KAZN: variants seen among roughly 807,000 people sequenced by gnomAD.
KAZN encodes kazrin.
Under a neutral mutation model 87.4 loss-of-function variants are expected in KAZN, and 40 were observed. That is an observed-to-expected ratio of 0.46 (90% confidence interval 0.36 to 0.60). The LOEUF (loss-of-function observed/expected upper bound fraction) is 0.60, where lower values mean the gene tolerates loss of function less well. Ranked by LOEUF, KAZN falls within the 20% of genes least tolerant of loss-of-function variation. The probability of loss-of-function intolerance (pLI) is 0.00; values close to 1 mark genes in which losing one functional copy is unlikely to be tolerated. For missense variants in KAZN, 898 were observed against 1,073.9 expected, an observed-to-expected ratio of 0.84 and a Z score of 2.29; for synonymous variants, 466 against 458.3, an observed-to-expected ratio of 1.02 and a Z score of -0.22.
intron 1 of KAZN, among the ~76,000 whole-genome samples, chr1:14,115,307 G>A (rs1404567943): frequency 4.6e-5 from 7 of 152,172 alleles, no homozygotes; most frequent in Non-Finnish European, 1.0e-4. Flanking sequence ...ATTACCTCCT[G>A]ATATGGTTTG....
At chr1:14,090,363 G>A (rs2101616707) in intron 1 of KAZN, among the ~76,000 whole-genome samples, 1 of 151,782 alleles carries the variant, frequency 6.6e-6, no homozygotes, top group African/African-American at 2.4e-5. Flanking sequence ...ATATCTTCAA[G>A]TTCACTAATT....
At chr1:14,671,735 A>T (rs1185033860) in intron 1 of KAZN, among the ~76,000 whole-genome samples, 1 of 152,212 alleles carries the variant, frequency 6.6e-6, no homozygotes, top group African/African-American at 2.4e-5. Flanking sequence ...ATGAAAACAA[A>T]TGTTTATATC....
chr1:14,764,653 G>A (rs1002474602), intron 1 of KAZN, among the ~76,000 whole-genome samples: 3 of 152,032 alleles, frequency 2.0e-5, no homozygotes, highest in Non-Finnish European at 4.4e-5. Context: ...TGAAGAGTTG[G>A]AGGGAGGGAA....
intron 1 of KAZN, among the ~76,000 whole-genome samples, chr1:13,896,420 G>A (rs1639046695): frequency 6.6e-6 from 1 of 152,096 alleles, no homozygotes; most frequent in African/African-American, 2.4e-5. Flanking sequence ...CTCTCAAGTA[G>A]CTGGGACCAC....
intron 2 of KAZN, among the ~76,000 whole-genome samples, chr1:14,552,784 T>A (rs979717044): frequency 2.0e-5 from 3 of 152,172 alleles, no homozygotes; most frequent in African/African-American, 7.2e-5. Context: ...AGTCAGGCAA[T>A]GGCTTAAGCA....
chr1:15,039,463 C>T (rs889174883), intron 3 of KAZN, among the ~76,000 whole-genome samples: 6 of 152,094 alleles, frequency 3.9e-5, no homozygotes, highest in South Asian at 4.2e-4. Flanking sequence ...AACCCAAGGC[C>T]GACCACAGAG....
chr1:14,048,916 A>G (rs1642189915), intron 1 of KAZN, among the ~76,000 whole-genome samples: 1 of 152,128 alleles, frequency 6.6e-6, no homozygotes, highest in African/African-American at 2.4e-5. Context: ...ATTTCTCCAC[A>G]TCCTCTCCAG....
chr1:14,004,541 A>G (rs1203625358), intron 1 of KAZN, among the ~76,000 whole-genome samples: 1 of 152,216 alleles, frequency 6.6e-6, no homozygotes, highest in East Asian at 1.9e-4. Context: ...GTAATGGCAC[A>G]CTGCAGCAAT....
chr1:14,751,659 G>A (rs1644415716), intron 1 of KAZN, among the ~76,000 whole-genome samples: 1 of 152,126 alleles, frequency 6.6e-6, no homozygotes. Flanking sequence ...CTTAACTGCT[G>A]GGCTACAACT....
At chr1:14,702,363 T>G (rs889024006) in intron 1 of KAZN, among the ~76,000 whole-genome samples, 4 of 151,452 alleles carry the variant, frequency 2.6e-5, no homozygotes, top group African/African-American at 9.8e-5. Context: ...TGTGTGTGTG[T>G]GTGGATTTCT....
intron 2 of KAZN, among the ~76,000 whole-genome samples, chr1:14,967,746 G>T (rs769979565): frequency 2.6e-5 from 4 of 152,226 alleles, no homozygotes; most frequent in Non-Finnish European, 5.9e-5. Context: ...AGGAGTGCAG[G>T]CGACCTCTAG....
chr1:14,335,972 T>G (rs1476670419), intron 2 of KAZN, among the ~76,000 whole-genome samples: 1 of 152,210 alleles, frequency 6.6e-6, no homozygotes. Context: ...CCTGCAGCAA[T>G]GCAGGTGAGA....
At chr1:14,827,960 T>C (rs1481669919) in intron 1 of KAZN, among the ~76,000 whole-genome samples, 1 of 152,234 alleles carries the variant, frequency 6.6e-6, no homozygotes, top group African/African-American at 2.4e-5. Context: ...CTTCCTGTCA[T>C]CTTGGGAAGA....
intron 2 of KAZN, among the ~76,000 whole-genome samples, chr1:14,325,259 A>G (rs1656328885): frequency 6.6e-6 from 1 of 152,200 alleles, no homozygotes; most frequent in South Asian, 2.1e-4. Flanking sequence ...CATTAAAGCC[A>G]GATGGACTCC....
intron 1 of KAZN, among the ~76,000 whole-genome samples, chr1:14,613,984 T>C (rs1005720333): frequency 6.6e-6 from 1 of 152,194 alleles, no homozygotes; most frequent in African/African-American, 2.4e-5. Context: ...CTGCAAAATT[T>C]CTGCAGAGTG....
At chr1:14,968,809 A>G (rs906542075) in intron 2 of KAZN, among the ~76,000 whole-genome samples, 1 of 152,126 alleles carries the variant, frequency 6.6e-6, no homozygotes, top group Non-Finnish European at 1.5e-5. Context: ...TCATTCACCA[A>G]ATGTTCCCTG....
intron 2 of KAZN, among the ~76,000 whole-genome samples, chr1:14,440,321 G>T (rs1336982045): frequency 6.6e-6 from 1 of 152,182 alleles, no homozygotes; most frequent in Admixed American, 6.5e-5. Flanking sequence ...GTCCTCCGTG[G>T]GTTGATAAGA....
chr1:14,030,662 A>ACACACACACG (rs1641286510), intron 1 of KAZN, among the ~76,000 whole-genome samples: 1 of 151,534 alleles, frequency 6.6e-6, no homozygotes, highest in African/African-American at 2.4e-5. Flanking sequence ...ACACACACAC[A>ACACACACACG]CACACACACA....
chr1:14,169,747 C>T (rs866565741), intron 1 of KAZN, among the ~76,000 whole-genome samples: 35 of 152,122 alleles, frequency 2.3e-4, no homozygotes, highest in African/African-American at 8.0e-4. Context: ...TAACTCTGGG[C>T]CAGGCACTGT....
Sources: allele counts gnomAD v4.1 joint callset (sites outside exome capture counted in the v4.1 genomes callset), GRCh38; gene constraint gnomAD v4.1.1; transcripts MANE v1.5; gene names NCBI Gene and HGNC (gene_info 2026-07-23, HGNC 2026-07-21).